Variants in BCL9 observed in about 807,000 individuals in gnomAD.
The protein encoded by BCL9 is B-cell CLL/lymphoma 9 protein.
BCL9 carries 25 observed loss-of-function variants against 88.5 expected under a neutral mutation model. That is an observed-to-expected ratio of 0.28 (90% CI 0.21 to 0.39). The LOEUF (loss-of-function observed/expected upper bound fraction) is 0.39. Ranked by LOEUF, BCL9 falls within the 10% of genes least tolerant of loss-of-function variation. BCL9 has a pLI of 1.00. For missense variants in BCL9, 1,817 were observed against 1,877.8 expected, an observed-to-expected ratio of 0.97 and a Z score of 0.60; for synonymous variants, 711 against 673.3, an observed-to-expected ratio of 1.06 and a Z score of -0.87.
intron 7 of BCL9, among the ~76,000 whole-genome samples, chr1:147,616,270 G>T (rs1658280783): frequency 6.6e-6 from 1 of 152,036 alleles, no homozygotes; most frequent in African/African-American, 2.4e-5. Flanking sequence ...AGAAAGAACA[G>T]AAAAAAAGCA....
At position 147,614,589 on chromosome 1, in the gene BCL9, A is replaced by C; in HGVS notation, c.533A>C (p.Tyr178Ser). 6.2e-7 allele frequency: 1 copy of C among 1,613,760 alleles called. No individual in the cohort carries two copies. The highest frequency in any genetic ancestry group is 8.5e-7 in the Non-Finnish European group (1 of 1,179,890). Reference protein sequence around the residue: ...PAQKTPAKVVYVFSTEMANKA... With the variant: ...PAQKTPAKVVSVFSTEMANKA... ...CAGAAGACTCCAGCCAAAGTGGTGT[A>C]CGTGTTTTCTACTGAGATGGCCAAT... The change falls in exon 6 of 10, where the codon TAC (tyrosine) becomes TCC (serine). Residue 178 changes from tyrosine to serine, a missense_variant. Physicochemically the swap from Tyr to Ser is moderately radical, Grantham distance 144. Transcript: ENST00000234739.
At chr1:147,578,848 G>A (rs1381799376) in intron 1 of BCL9, among the ~76,000 whole-genome samples, 1 of 137,408 alleles carries the variant, frequency 7.3e-6, no homozygotes, top group Non-Finnish European at 1.5e-5. Context: ...TTGGAGTCAG[G>A]AAATTTGGTT....
At chr1:147,549,358 TACA>T (rs1654782407) in intron 1 of BCL9, among the ~76,000 whole-genome samples, 1 of 152,184 alleles carries the variant, frequency 6.6e-6, no homozygotes, top group Admixed American at 6.5e-5. Flanking sequence ...TGTGATTTCC[TACA>T]ACTTTATTTT....
chr1:147,589,680 T>G (rs1204968150), intron 1 of BCL9, among the ~76,000 whole-genome samples: 5 of 152,216 alleles, frequency 3.3e-5, no homozygotes, highest in African/African-American at 1.2e-4. Context: ...CATTTCCTAT[T>G]GCTGAATAAT....
At chr1:147,560,094 G>C (rs1048176012) in intron 1 of BCL9, among the ~76,000 whole-genome samples, 1 of 152,148 alleles carries the variant, frequency 6.6e-6, no homozygotes, top group Non-Finnish European at 1.5e-5. Context: ...GAATGTAAAT[G>C]ATGCAGGGAA....
At chr1:147,589,888 T>C (rs113737053) in intron 1 of BCL9, among the ~76,000 whole-genome samples, 4 of 152,190 alleles carry the variant, frequency 2.6e-5, no homozygotes, top group African/African-American at 4.8e-5. Flanking sequence ...TAAACTTACA[T>C]TGAACTTTTT....
rs1553202915 is a variant in BCL9, at chr1:147,613,036, G to A, written c.207G>A (p.Gly69=). Residue 69 remains glycine, a synonymous_variant, in exon 5 of 10, where the codon GGG becomes GGA. Coordinates refer to ENST00000234739, the MANE Select transcript of BCL9 (RefSeq NM_004326.4). ...SQPSPCDSKS[G]GHTPKALPGP... ...CATCCCCCTGTGACTCCAAGAGTGG[G>A]GGCCATACCCCTAAAGCACTCCCTG... 1 of 1,608,716 alleles carries A rather than the reference G, an allele frequency of 6.2e-7. No homozygotes were observed. The highest frequency in any genetic ancestry group is 1.1e-5 in the South Asian group (1 of 90,568).
At chr1:147,557,963 A>G (rs1247397879) in intron 1 of BCL9, among the ~76,000 whole-genome samples, 1 of 152,138 alleles carries the variant, frequency 6.6e-6, no homozygotes, top group African/African-American at 2.4e-5. Flanking sequence ...ATTCCTTTGA[A>G]TGTAAGTTGC....
At chr1:147,615,235 A>G (rs1553203645) in intron 6 of BCL9, among the ~76,000 whole-genome samples, 1 of 152,180 alleles carries the variant, frequency 6.6e-6, no homozygotes, top group African/African-American at 2.4e-5. Context: ...CAAGTAACAA[A>G]TGTCCATTCT....
intron 1 of BCL9, among the ~76,000 whole-genome samples, chr1:147,568,490 A>AAC (rs1655715507): frequency 6.6e-6 from 1 of 151,832 alleles, no homozygotes; most frequent in Non-Finnish European, 1.5e-5. Flanking sequence ...AAGAAAAAAA[A>AAC]AACAAGTTTC....
chr1:147,599,653 C>G (rs1307370317), intron 1 of BCL9, among the ~76,000 whole-genome samples: 3 of 152,164 alleles, frequency 2.0e-5, no homozygotes, highest in Non-Finnish European at 4.4e-5. Context: ...AGAGCTCTGC[C>G]GCTTTAAGGG....
intron 1 of BCL9, among the ~76,000 whole-genome samples, chr1:147,557,052 A>G (rs1655148655): frequency 6.6e-6 from 1 of 152,204 alleles, no homozygotes; most frequent in South Asian, 2.1e-4. Context: ...GAAGTTGAGC[A>G]AGGGGGAGAG....
intron 9 of BCL9, among the ~76,000 whole-genome samples, chr1:147,623,271 C>T (rs1658741298): frequency 6.6e-6 from 1 of 152,086 alleles, no homozygotes. Context: ...CCAACAGAGA[C>T]ACCAAATACT....
At chr1:147,592,409 G>A (rs1348692722) in intron 1 of BCL9, among the ~76,000 whole-genome samples, 1 of 152,168 alleles carries the variant, frequency 6.6e-6, no homozygotes, top group Non-Finnish European at 1.5e-5. Context: ...AGTTCTCCAA[G>A]CTTCAAAATT....
intron 1 of BCL9, among the ~76,000 whole-genome samples, chr1:147,572,310 A>G (rs1202838309): frequency 6.6e-6 from 1 of 152,220 alleles, no homozygotes; most frequent in African/African-American, 2.4e-5. Context: ...ACCGTAAAAC[A>G]CAATTCTGTC....
intron 1 of BCL9, among the ~76,000 whole-genome samples, chr1:147,576,631 G>A (rs1553198131): frequency 6.6e-6 from 1 of 152,068 alleles, no homozygotes; most frequent in African/African-American, 2.4e-5. Context: ...ATCCAGTGTG[G>A]GTCCTGAATC....
At chr1:147,614,314 C>A in intron 5 of BCL9, 113 bp from the exon 6 acceptor site, 1 of 990,540 alleles carries the variant, frequency 1.0e-6, no homozygotes, top group Non-Finnish European at 1.5e-6. Flanking sequence ...TTCCTCTTAG[C>A]AAGGTGGTAC....
intron 7 of BCL9, among the ~76,000 whole-genome samples, chr1:147,616,350 C>A (rs1238417589): frequency 6.6e-6 from 1 of 152,200 alleles, no homozygotes; most frequent in African/African-American, 2.4e-5. Context: ...CAGAGTGATT[C>A]ATATTTATTT....
At chr1:147,573,507 C>T (rs1655974700) in intron 1 of BCL9, among the ~76,000 whole-genome samples, 1 of 152,012 alleles carries the variant, frequency 6.6e-6, no homozygotes, top group African/African-American at 2.4e-5. Flanking sequence ...TTCTCTAGTT[C>T]CTTCAGTTAC....
Sources: allele counts gnomAD v4.1 joint callset (sites outside exome capture counted in the v4.1 genomes callset), GRCh38; gene constraint gnomAD v4.1.1; transcripts MANE v1.5; gene names NCBI Gene and HGNC (gene_info 2026-07-23, HGNC 2026-07-21).